The following EPG5 variants were observed in gnomAD, a reference collection of about 807,000 sequenced individuals.
EPG5 encodes ectopic P granules protein 5 homolog.
Under a neutral mutation model 302.7 loss-of-function variants are expected in EPG5, and 159 were observed. The ratio of observed to expected loss-of-function variants is 0.53; its 90% CI spans 0.46 to 0.60. EPG5 has a LOEUF of 0.60. EPG5 is among the 20% of genes least tolerant of loss of function. The pLI is 0.00. For missense variants in EPG5, 2,896 were observed against 3,092.4 expected (o/e 0.94, Z 1.51); for synonymous variants, 1,158 against 1,136.8 (o/e 1.02, Z -0.37).
In EPG5 at chr18:45,850,621, C is replaced by A. The variant is rs931799983; in HGVS notation, c.*1846G>T. The A allele has an allele frequency of 6.6e-6, 1 of 152,394 alleles. No homozygotes were observed. Among genetic ancestry groups the A allele is most frequent in the African/African-American group, 2.4e-5 (1 of 41,426 alleles). The allele number at this position is 152,394 out of a possible 1,614,324, so 9.4% of individuals were successfully genotyped here. Reference sequence around the variant, plus strand: ...AACACTTTACAAGATAGTGTGATATCCCTATAATTTGGTTTTTAAACAGTT... The same window carrying A: ...AACACTTTACAAGATAGTGTGATATACCTATAATTTGGTTTTTAAACAGTT... On this transcript the variant is annotated 3_prime_UTR_variant, in exon 44 of 44. Coordinates refer to ENST00000282041, the MANE Select transcript of EPG5 (RefSeq NM_020964.3).
chr18:45,896,119 C>T (rs953134315), intron 27 of EPG5, among the ~76,000 whole-genome samples: 3 of 152,190 alleles, frequency 2.0e-5, no homozygotes, highest in African/African-American at 7.2e-5. Context: ...CAGCAAATAC[C>T]GCCTGGGATA....
intron 38 of EPG5, among the ~76,000 whole-genome samples, chr18:45,866,362 C>T (rs1004022550): frequency 4.6e-5 from 7 of 152,110 alleles, no homozygotes; most frequent in African/African-American, 1.4e-4. Context: ...CTCAGGTGAT[C>T]CGCCCACCTT....
intron 10 of EPG5, among the ~76,000 whole-genome samples, chr18:45,937,267 C>T (rs2050553439): frequency 7.5e-6 from 1 of 133,948 alleles, no homozygotes; most frequent in South Asian, 2.5e-4. Flanking sequence ...CACACACACA[C>T]ACACACACAC....
At chr18:45,956,601 C>T (rs1481736612) in intron 1 of EPG5, among the ~76,000 whole-genome samples, 1 of 151,986 alleles carries the variant, frequency 6.6e-6, no homozygotes, top group Admixed American at 6.6e-5. Flanking sequence ...GGACTACAGG[C>T]ACCTGACTAA....
At chr18:45,880,380 G>C (rs1170970719) in intron 31 of EPG5, among the ~76,000 whole-genome samples, 157 bp from the exon 32 acceptor site, 1 of 152,218 alleles carries the variant, frequency 6.6e-6, no homozygotes, top group Non-Finnish European at 1.5e-5. Flanking sequence ...CCCAAGTAAA[G>C]AGAACCTAAG....
At chr18:45,807,796 A>G in the EPG5 span, among the ~76,000 whole-genome samples, 1 of 152,224 alleles carries the variant, frequency 6.6e-6, no homozygotes, top group East Asian at 1.9e-4. Context: ...CAGAAAACCA[A>G]CTCTGGTAAT....
chr18:45,893,809 T>C (rs1033259963), intron 27 of EPG5, among the ~76,000 whole-genome samples: 2 of 152,108 alleles, frequency 1.3e-5, no homozygotes, highest in Non-Finnish European at 2.9e-5. Context: ...AAAGCAAAGG[T>C]AAGCACAATC....
At chr18:45,807,713 C>CA in the EPG5 span, among the ~76,000 whole-genome samples, 2 of 151,686 alleles carry the variant, frequency 1.3e-5, no homozygotes, top group South Asian at 2.1e-4. Context: ...CCCTGTGGGA[C>CA]AAAAAAAATC....
chr18:45,954,053 T>A, intron 2 of EPG5: 1 of 357,724 alleles, frequency 2.8e-6, no homozygotes, highest in Non-Finnish European at 3.9e-6. Context: ...TTAGGATTCC[T>A]CACACTAAAA....
intron 13 of EPG5, among the ~76,000 whole-genome samples, chr18:45,927,591 TATACACACAC>T (rs1277465190): frequency 2.2e-3 from 166 of 75,602 alleles, no homozygotes; most frequent in African/African-American, 5.3e-3. Flanking sequence ...AACAAAAAGT[TATACACACAC>T]ACACACACAC....
At chr18:45,825,913 C>A in the EPG5 span, 5 of 1,032,028 alleles carry the variant, frequency 4.8e-6, no homozygotes, top group African/African-American at 6.3e-5. Flanking sequence ...GGAAGAGCTG[C>A]GCTTGGGGCC....
chr18:45,826,447 C>A, the EPG5 span, among the ~76,000 whole-genome samples: 1 of 152,172 alleles, frequency 6.6e-6, no homozygotes, highest in African/African-American at 2.4e-5. Flanking sequence ...TTTGGCTCCA[C>A]CCCAGACCTG....
chr18:45,865,986 A>T (rs1205985329), intron 38 of EPG5, among the ~76,000 whole-genome samples: 1 of 152,206 alleles, frequency 6.6e-6, no homozygotes, highest in East Asian at 1.9e-4. Context: ...ATTGTGGCAG[A>T]ATACTCTTCC....
chr18:45,884,145 T>C (rs866616501), intron 30 of EPG5, among the ~76,000 whole-genome samples: 2 of 152,196 alleles, frequency 1.3e-5, no homozygotes, highest in South Asian at 4.2e-4. Flanking sequence ...TAGGTCCTTT[T>C]TACACTAAGT....
At chr18:45,839,105 C>T in the EPG5 span, 22 of 1,379,514 alleles carry the variant, frequency 1.6e-5, no homozygotes, top group Non-Finnish European at 1.9e-5. Flanking sequence ...GGTGGGTGCG[C>T]CCCAGACACG....
chr18:45,931,839 A>T (rs1048903186), intron 11 of EPG5, among the ~76,000 whole-genome samples: 2 of 151,500 alleles, frequency 1.3e-5, no homozygotes, highest in African/African-American at 2.4e-5. Flanking sequence ...CATTTCAAAA[A>T]AATAATAATA....
the EPG5 span, among the ~76,000 whole-genome samples, chr18:45,828,478 G>A: frequency 6.6e-6 from 1 of 152,104 alleles, no homozygotes; most frequent in East Asian, 1.9e-4. Flanking sequence ...TGGTCTGGGA[G>A]CTCCAACCAC....
the EPG5 span, among the ~76,000 whole-genome samples, chr18:45,811,763 A>T: frequency 6.6e-6 from 1 of 152,258 alleles, no homozygotes; most frequent in Non-Finnish European, 1.5e-5. Flanking sequence ...GATGTGATGT[A>T]TCTCAAAATA....
intron 30 of EPG5, among the ~76,000 whole-genome samples, 185 bp downstream of exon 30, chr18:45,884,432 C>T (rs1051656996): frequency 6.6e-6 from 1 of 152,166 alleles, no homozygotes; most frequent in Non-Finnish European, 1.5e-5. Flanking sequence ...ACAACCAATG[C>T]CCCACCCCCT....
Sources: gnomAD v4.1 joint callset for allele counts (sites outside exome capture counted in the v4.1 genomes callset) on GRCh38, gnomAD v4.1.1 for gene constraint, MANE v1.5 for transcripts, NCBI Gene and HGNC (gene_info 2026-07-23, HGNC 2026-07-21) for gene names.